ADGRL3: variants seen among roughly 807,000 people sequenced by gnomAD.
The protein encoded by ADGRL3 is adhesion G protein-coupled receptor L3.
A neutral mutation model predicts 153.5 loss-of-function variants in ADGRL3; 62 were observed. That is an observed-to-expected ratio of 0.40 (90% CI 0.33 to 0.50). ADGRL3 has a LOEUF of 0.50. Ranked by LOEUF, ADGRL3 falls within the 20% of genes least tolerant of loss-of-function variation. ADGRL3 has a pLI of 0.47. For synonymous variants in ADGRL3, 710 were observed against 672.5 expected (o/e 1.06, Z -0.86); for missense variants, 1,641 against 1,859.4 (o/e 0.88, Z 2.16).
At chr4:61,265,608 T>C (rs1365535065) in intron 1 of ADGRL3, among the ~76,000 whole-genome samples, 1 of 151,876 alleles carries the variant, frequency 6.6e-6, no homozygotes, top group East Asian at 1.9e-4. Flanking sequence ...GGAGTTTTGT[T>C]TCAGGAGAAA....
chr4:62,066,518 G>T (rs565688660), intron 25 of ADGRL3, among the ~76,000 whole-genome samples: 1 of 151,918 alleles, frequency 6.6e-6, no homozygotes. Flanking sequence ...TAAATTTCAC[G>T]CAGAGTACTT....
chr4:61,955,624 G>A (rs1420858068), intron 17 of ADGRL3, among the ~76,000 whole-genome samples: 1 of 151,814 alleles, frequency 6.6e-6, no homozygotes, highest in Non-Finnish European at 1.5e-5. Flanking sequence ...TGTTACATAG[G>A]TATATTTGTG....
chr4:62,065,246 G>C (rs1047687310), intron 25 of ADGRL3, among the ~76,000 whole-genome samples: 1 of 151,948 alleles, frequency 6.6e-6, no homozygotes, highest in African/African-American at 2.4e-5. Context: ...TCTTCCTTTA[G>C]TCTTCCATTT....
chr4:61,702,728 T>C (rs987134700), intron 6 of ADGRL3, among the ~76,000 whole-genome samples: 2 of 152,170 alleles, frequency 1.3e-5, no homozygotes, highest in African/African-American at 4.8e-5. Flanking sequence ...GGTACAGTTA[T>C]TGTGTCCAAC....
At chr4:61,235,441 G>A (rs1232907656) in intron 1 of ADGRL3, among the ~76,000 whole-genome samples, 1 of 152,164 alleles carries the variant, frequency 6.6e-6, no homozygotes, top group Non-Finnish European at 1.5e-5. Context: ...AGTTCAGAAT[G>A]ATACTGTAGT....
Position 61,369,685 on chromosome 4 carries a change from A to G in ADGRL3, c.-239-13439A>G, listed in dbSNP as rs551964323. 2.6e-5 allele frequency among the ~76,000 whole-genome samples: 4 copies of G among 152,298 alleles called. No individual in the cohort carries two copies. The East Asian group carries it at 7.7e-4, about 29-fold the overall frequency. On this transcript the variant is annotated intron_variant, in intron 1 of 26. Coordinates refer to ENST00000683033, the MANE Select transcript of ADGRL3 (RefSeq NM_001387552.1). ...ATGTTCATCAAGGATATTGGTCTAA[A>G]GTTATCCTTTTTGGTTGTGTCTCTG...
intron 5 of ADGRL3, among the ~76,000 whole-genome samples, chr4:61,601,690 A>G (rs1671018728): frequency 6.6e-6 from 1 of 152,158 alleles, no homozygotes; most frequent in South Asian, 2.1e-4. Flanking sequence ...ATCATACCTC[A>G]TACCAGTGGT....
intron 13 of ADGRL3, among the ~76,000 whole-genome samples, chr4:61,928,498 T>C (rs913145111): frequency 2.0e-5 from 3 of 152,220 alleles, no homozygotes; most frequent in African/African-American, 7.2e-5. Flanking sequence ...AGAAAAACTC[T>C]TATGTTTTTC....
chr4:61,588,810 T>C (rs1201111230), intron 5 of ADGRL3, among the ~76,000 whole-genome samples: 2 of 152,048 alleles, frequency 1.3e-5, no homozygotes, highest in Non-Finnish European at 2.9e-5. Flanking sequence ...TGGTTTTCTA[T>C]GAGTAGTATG....
chr4:61,685,487 A>G (rs2095425687), intron 6 of ADGRL3, among the ~76,000 whole-genome samples: 1 of 152,166 alleles, frequency 6.6e-6, no homozygotes, highest in Admixed American at 6.6e-5. Flanking sequence ...GGGCTGGCTT[A>G]CAGAGGGTGT....
intron 2 of ADGRL3, among the ~76,000 whole-genome samples, chr4:61,434,419 A>G (rs1469982586): frequency 2.0e-5 from 3 of 152,106 alleles, no homozygotes; most frequent in South Asian, 2.1e-4. Context: ...ATGCATGTAT[A>G]CATATGTTAT....
chr4:61,619,142 G>T (rs1422573740), intron 5 of ADGRL3, among the ~76,000 whole-genome samples: 5 of 152,154 alleles, frequency 3.3e-5, no homozygotes, highest in Non-Finnish European at 2.9e-5. Flanking sequence ...ATTTTTAAGA[G>T]AGTAGCTGCA....
chr4:61,467,940 T>C (rs2097904715), intron 2 of ADGRL3, among the ~76,000 whole-genome samples: 1 of 152,186 alleles, frequency 6.6e-6, no homozygotes, highest in Non-Finnish European at 1.5e-5. Context: ...TATAAACTGA[T>C]GTTCTGACAA....
intron 2 of ADGRL3, among the ~76,000 whole-genome samples, chr4:61,423,369 C>A (rs1050555759): frequency 2.0e-5 from 3 of 152,158 alleles, no homozygotes; most frequent in Non-Finnish European, 4.4e-5. Context: ...AGAGGCCATG[C>A]ACTTCCATAT....
At chr4:61,864,727 C>T (rs572418187) in intron 9 of ADGRL3, among the ~76,000 whole-genome samples, 13 of 152,212 alleles carry the variant, frequency 8.5e-5, no homozygotes, top group South Asian at 4.1e-4. Context: ...GAATTTTCAA[C>T]GACGATTCTT....
At chr4:62,003,379 T>A (rs537464385) in intron 21 of ADGRL3, among the ~76,000 whole-genome samples, 3 of 152,206 alleles carry the variant, frequency 2.0e-5, no homozygotes, top group African/African-American at 4.8e-5. Flanking sequence ...TCTCTAATTG[T>A]CAAGGAAGAA....
At chr4:61,845,834 T>G (rs963111645) in intron 9 of ADGRL3, among the ~76,000 whole-genome samples, 1 of 152,164 alleles carries the variant, frequency 6.6e-6, no homozygotes, top group East Asian at 1.9e-4. Context: ...CTGATACACT[T>G]AAAATTGGAC....
chr4:61,330,503 C>G (rs959073936), intron 1 of ADGRL3, among the ~76,000 whole-genome samples: 1 of 152,128 alleles, frequency 6.6e-6, no homozygotes, highest in Non-Finnish European at 1.5e-5. Flanking sequence ...TCCCGGTTCT[C>G]AAGCTTGCAC....
intron 8 of ADGRL3, among the ~76,000 whole-genome samples, chr4:61,783,761 A>G (rs898798013): frequency 6.6e-6 from 1 of 152,110 alleles, no homozygotes; most frequent in African/African-American, 2.4e-5. Flanking sequence ...TGTAAAATCT[A>G]TCAAGTTAAT....
Sources: gnomAD v4.1 joint callset for allele counts (sites outside exome capture counted in the v4.1 genomes callset) on GRCh38, gnomAD v4.1.1 for gene constraint, MANE v1.5 for transcripts, NCBI Gene and HGNC (gene_info 2026-07-23, HGNC 2026-07-21) for gene names.